UBE2Z: variants seen among roughly 807,000 people sequenced by gnomAD.
UBE2Z encodes ubiquitin-conjugating enzyme E2 Z.
UBE2Z carries 10 observed loss-of-function variants against 32.6 expected under a neutral mutation model. The ratio of observed to expected loss-of-function variants is 0.31; its 90% CI spans 0.19 to 0.52. The LOEUF (loss-of-function observed/expected upper bound fraction) is 0.52, where lower values mean the gene tolerates loss of function less well. Among genes scored for constraint, UBE2Z ranks in the 20% least tolerant of loss-of-function variants. UBE2Z has a pLI of 0.97. For synonymous variants in UBE2Z, 183 were observed against 190.8 expected (o/e 0.96, Z 0.34); for missense variants, 343 against 480.9 (o/e 0.71, Z 2.68).
At chr17:48,908,868 C>G (rs1166593206) in intron 1 of UBE2Z, 48 bp downstream of exon 1, 2 of 1,324,200 alleles carry the variant, frequency 1.5e-6, no homozygotes, top group Non-Finnish European at 2.0e-6. Flanking sequence ...GGGGCTCGAC[C>G]TTCCCCGCCC....
chr17:48,914,482 G>A (rs73986008), intron 3 of UBE2Z, among the ~76,000 whole-genome samples: 2,151 of 152,308 alleles, frequency 0.014, 40 homozygotes, highest in South Asian at 0.062. Context: ...ACTTCATCTC[G>A]TTAGGGTACT....
rs535881849 is a variant in UBE2Z at position 48,914,716 on chromosome 17, A to G, written c.579-1360A>G. Reference sequence around the variant, plus strand: ...GCTGCCCTGAAATTGAAAATTTGCCATAAAGAATCACAGAGTAGAAAATTT... The same window carrying G: ...GCTGCCCTGAAATTGAAAATTTGCCGTAAAGAATCACAGAGTAGAAAATTT... On this transcript the variant is annotated intron_variant, in intron 3 of 6. Transcript: ENST00000360943. 2.9e-3 allele frequency among the ~76,000 whole-genome samples: 436 copies of G among 152,294 alleles called. 1 individual carries two copies. Among genetic ancestry groups the G allele is most frequent in the Non-Finnish European group, 5.0e-3 (338 of 68,026 alleles).
In UBE2Z at chr17:48,928,483, CTCAG is replaced by C. The variant is rs1478645582; in HGVS notation, c.*1355_*1358del. The C allele has an allele frequency of 6.6e-6, 1 of 152,648 alleles. No individual in the cohort carries two copies. Among genetic ancestry groups the C allele is most frequent in the African/African-American group, 2.4e-5 (1 of 41,408 alleles). 9.5% of individuals were successfully genotyped at this position (152,648 alleles called of 1,614,324 possible). A position where few individuals can be genotyped will look rare whatever the true frequency, so the allele number is the denominator to read the frequency against. ...ATTGGCGATTCTTGTGATGCAGGGC[CTCAG>C]TCAGTGTCCAGCCATGCATAAGGGA... On this transcript the variant is annotated 3_prime_UTR_variant, in exon 7 of 7. Transcript: ENST00000360943.
At chr17:48,923,806 C>G (rs2040779998) in intron 6 of UBE2Z, among the ~76,000 whole-genome samples, 1 of 151,404 alleles carries the variant, frequency 6.6e-6, no homozygotes, top group African/African-American at 2.4e-5. Flanking sequence ...GGTCACAGCT[C>G]ACTGCAACTC....
chr17:48,909,997 A>G (rs959005966), intron 1 of UBE2Z, among the ~76,000 whole-genome samples: 2 of 152,182 alleles, frequency 1.3e-5, no homozygotes, highest in African/African-American at 4.8e-5. Context: ...CATTTCAGTC[A>G]TCCAATTCTG....
At chr17:48,918,330 A>G (rs1019981446) in intron 4 of UBE2Z, among the ~76,000 whole-genome samples, 14 of 152,102 alleles carry the variant, frequency 9.2e-5, no homozygotes, top group African/African-American at 2.7e-4. Flanking sequence ...CCTTTCAAAA[A>G]TGAAAAATAA....
At chr17:48,923,009 A>G (rs764386765) in intron 6 of UBE2Z, 72 bp downstream of exon 6, 3 of 1,376,156 alleles carry the variant, frequency 2.2e-6, no homozygotes, top group South Asian at 1.3e-5. Flanking sequence ...CAAGCGTGGC[A>G]TCGACAGCTG....
At chr17:48,909,013 G>T (rs1169353601) in intron 1 of UBE2Z, 193 bp downstream of exon 1, 1 of 274,118 alleles carries the variant, frequency 3.6e-6, no homozygotes, top group Admixed American at 6.9e-5. Flanking sequence ...AGACCCGCAA[G>T]CACCAACCCC....
chr17:48,921,972 G>A (rs1222952569), intron 5 of UBE2Z, among the ~76,000 whole-genome samples: 1 of 152,142 alleles, frequency 6.6e-6, no homozygotes, highest in Non-Finnish European at 1.5e-5. Context: ...AGGCTGCAGT[G>A]AGCTGTGATG....
At chr17:48,915,491 A>G (rs567239226) in intron 3 of UBE2Z, among the ~76,000 whole-genome samples, 3 of 152,286 alleles carry the variant, frequency 2.0e-5, no homozygotes, top group Non-Finnish European at 1.5e-5. Flanking sequence ...CGTTTTCCAT[A>G]TATTATTTTC....
chr17:48,913,066 A>T, intron 3 of UBE2Z, 45 bp downstream of exon 3: 1 of 1,589,750 alleles, frequency 6.3e-7, no homozygotes, highest in African/African-American at 1.3e-5. Context: ...TTAGCAGATA[A>T]TTACTCTAGG....
Position 48,927,112 on chromosome 17 carries a change from T to C in UBE2Z, c.1043T>C (p.Leu348Pro). ...AGTTCATCTGGGACAGAGACAGACC[T>C]TCATGGGAGCCTGAGGGTTTAGACC... ...DSSSSGTETDLHGSLRV is the reference protein window; with the variant it reads ...DSSSSGTETDPHGSLRV Residue 348 changes from leucine (L) to proline (P), a missense_variant, in exon 7 of 7, where the codon CTT (leucine) becomes CCT (proline). This residue lies in a region of UBE2Z where 182 missense variants were observed against 312.4 expected (regional missense o/e 0.58). Transcript: ENST00000360943. 6.2e-7 allele frequency: 1 copy of C among 1,613,910 alleles called. No homozygotes were observed. The highest frequency in any genetic ancestry group is 8.5e-7 in the Non-Finnish European group (1 of 1,179,858).
chr17:48,924,335 T>G (rs927145400), intron 6 of UBE2Z, among the ~76,000 whole-genome samples: 1 of 152,158 alleles, frequency 6.6e-6, no homozygotes, highest in African/African-American at 2.4e-5. Context: ...ATTATATGAA[T>G]CCTCTATTTA....
chr17:48,926,553 C>G (rs1422954972), intron 6 of UBE2Z, among the ~76,000 whole-genome samples: 2 of 150,724 alleles, frequency 1.3e-5, no homozygotes, highest in African/African-American at 4.9e-5. Flanking sequence ...TCGATCTCAG[C>G]TGACTGCAAC....
chr17:48,919,233 C>A (rs2040742648), intron 4 of UBE2Z, among the ~76,000 whole-genome samples: 1 of 150,968 alleles, frequency 6.6e-6, no homozygotes, highest in Admixed American at 6.6e-5. Context: ...ATCCACCTGC[C>A]TCGGCCTCCC....
At chr17:48,919,729 C>T (rs1034542554) in intron 4 of UBE2Z, among the ~76,000 whole-genome samples, 2 of 151,704 alleles carry the variant, frequency 1.3e-5, no homozygotes, top group South Asian at 4.1e-4. Context: ...CCGCCTGCAT[C>T]GGCTTCCCAA....
At chr17:48,926,737 G>A (rs944094093) in intron 6 of UBE2Z, among the ~76,000 whole-genome samples, 2 of 152,014 alleles carry the variant, frequency 1.3e-5, no homozygotes, top group African/African-American at 4.8e-5. Flanking sequence ...CGCCTCGGCC[G>A]CCCAAAGTGC....
chr17:48,911,365 G>GT (rs1297510905), intron 2 of UBE2Z: 1 of 158,780 alleles, frequency 6.3e-6, no homozygotes, highest in African/African-American at 2.4e-5. Flanking sequence ...TACTGGTTGC[G>GT]TTTAAGTATC....
Position 48,927,212 on chromosome 17 carries a change from A to T in UBE2Z, c.*78A>T. ...CCCCCCACCCCAGGGATGGAGAGGC[A>T]CTGTGTATCTCCCTCCAGACTCGAA... On this transcript the variant is annotated 3_prime_UTR_variant, in exon 7 of 7. Transcript: ENST00000360943. 2 of 1,454,118 alleles carry T rather than the reference A, an allele frequency of 1.4e-6. No individual in the cohort carries two copies. Among genetic ancestry groups the T allele is most frequent in the South Asian group, 2.5e-5 (2 of 80,340 alleles). The allele number at this position is 1,454,118 out of a possible 1,614,324, so 90.1% of individuals were successfully genotyped here. A position where few individuals can be genotyped will look rare whatever the true frequency, so the allele number is the denominator to read the frequency against.
Sources: allele counts gnomAD v4.1 joint callset (sites outside exome capture counted in the v4.1 genomes callset), GRCh38; gene constraint gnomAD v4.1.1; regional missense constraint gnomAD v4.1.1; transcripts MANE v1.5; gene names NCBI Gene and HGNC (gene_info 2026-07-23, HGNC 2026-07-21).